Variants in PPP1R36 observed in about 807,000 individuals in gnomAD.
PPP1R36 encodes the protein protein phosphatase 1 regulatory subunit 36.
A neutral mutation model predicts 53.4 loss-of-function variants in PPP1R36; 47 were observed. The ratio of observed to expected loss-of-function variants is 0.88; its 90% CI spans 0.70 to 1.12. The LOEUF (loss-of-function observed/expected upper bound fraction) is 1.12. PPP1R36 is among the 50% of genes most tolerant of loss of function. PPP1R36 has a pLI of 0.00. For missense variants in PPP1R36, 456 were observed against 513.9 expected (o/e 0.89, Z 1.09); for synonymous variants, 153 against 170.5 (o/e 0.90, Z 0.80).
chr14:64,579,790 G>A (rs1028424936), intron 8 of PPP1R36, among the ~76,000 whole-genome samples: 8 of 151,874 alleles, frequency 5.3e-5, no homozygotes, highest in South Asian at 4.1e-4. Context: ...CTAACACGGC[G>A]AAACCCCATC....
chr14:64,559,159 C>T (rs749496437), intron 3 of PPP1R36, among the ~76,000 whole-genome samples: 8 of 152,054 alleles, frequency 5.3e-5, no homozygotes, highest in Non-Finnish European at 8.8e-5. Context: ...AAGAGAGAGC[C>T]GCGGCTTTTC....
At chr14:64,550,260 A>C (rs2080083911) in intron 1 of PPP1R36, 194 bp downstream of exon 1, 2 of 1,381,820 alleles carry the variant, frequency 1.4e-6, no homozygotes, top group Non-Finnish European at 1.9e-6. Flanking sequence ...ACAGATGGTC[A>C]GAATTGAATT....
rs376746042 is a variant in PPP1R36 at position 64,564,850 on chromosome 14, C to G, written c.269+13C>G. 63 of 1,569,694 alleles carry G rather than the reference C, an allele frequency of 4.0e-5. No homozygotes were observed. The highest frequency in any genetic ancestry group is 5.7e-5 in the South Asian group (5 of 87,846). ...CAGCTTCAGACAGGTAGATTAACTTCCCAATCATGCCAGAGTTGCTGATAG... is the reference window on the plus strand; with the variant it reads ...CAGCTTCAGACAGGTAGATTAACTTGCCAATCATGCCAGAGTTGCTGATAG... On this transcript the variant is annotated intron_variant, in intron 4 of 11. Coordinates refer to ENST00000298705, the MANE Select transcript of PPP1R36 (RefSeq NM_172365.3).
chr14:64,577,318 C>T (rs1030131109), intron 8 of PPP1R36, among the ~76,000 whole-genome samples: 3 of 152,218 alleles, frequency 2.0e-5, no homozygotes, highest in Non-Finnish European at 4.4e-5. Flanking sequence ...TGGGGGAACA[C>T]AAACATTCAG....
chr14:64,585,942 C>T (rs1311091993), intron 8 of PPP1R36, among the ~76,000 whole-genome samples: 1 of 151,412 alleles, frequency 6.6e-6, no homozygotes, highest in Non-Finnish European at 1.5e-5. Flanking sequence ...GTATAGTATT[C>T]TTTTTTTTTC....
At chr14:64,561,296 G>A (rs1479628450) in intron 3 of PPP1R36, among the ~76,000 whole-genome samples, 1 of 152,026 alleles carries the variant, frequency 6.6e-6, no homozygotes, top group Non-Finnish European at 1.5e-5. Context: ...TTCTCTCCTG[G>A]TCAAATGAAA....
intron 7 of PPP1R36, among the ~76,000 whole-genome samples, chr14:64,570,477 G>A (rs1005816894): frequency 1.1e-4 from 17 of 151,120 alleles, no homozygotes; most frequent in African/African-American, 2.2e-4. Flanking sequence ...GCGAGACTCC[G>A]CCTTAAAAAA....
intron 3 of PPP1R36, among the ~76,000 whole-genome samples, chr14:64,555,852 C>CTCTG (rs57923299): frequency 0.37 from 55,474 of 151,732 alleles, 10,722 homozygotes; most frequent in African/African-American, 0.49. Context: ...TTTCCCCTCT[C>CTCTG]TCTCTCTACA....
chr14:64,574,437 T>C lies in PPP1R36; in HGVS notation c.534-18T>C. ...TGACAATTAACCCAAATTCTCTTTT[T>C]TTTGTCCTCCCCATCAGAGGCCTTG... is the stretch of plus-strand genomic sequence containing the variant. On this transcript the variant is annotated intron_variant, in intron 7 of 11. Transcript: ENST00000298705. 1 of 1,591,006 alleles carries C rather than the reference T, an allele frequency of 6.3e-7. No individual in the cohort carries two copies. Among genetic ancestry groups the C allele is most frequent in the Middle Eastern group, 1.7e-4 (1 of 5,942 alleles).
At chr14:64,584,896 C>T (rs889462490) in intron 8 of PPP1R36, among the ~76,000 whole-genome samples, 1 of 152,230 alleles carries the variant, frequency 6.6e-6, no homozygotes, top group Non-Finnish European at 1.5e-5. Flanking sequence ...CAGTACCCGG[C>T]ACATAGTCCA....
intron 3 of PPP1R36, among the ~76,000 whole-genome samples, chr14:64,564,005 T>G (rs191923311): frequency 4.7e-4 from 71 of 152,354 alleles, no homozygotes; most frequent in African/African-American, 1.6e-3. Context: ...ATTTTCAATG[T>G]CATAGCAATT....
chr14:64,586,112 G>A (rs1250080710), intron 8 of PPP1R36: 1 of 152,082 alleles, frequency 6.6e-6, no homozygotes, highest in East Asian at 1.9e-4. Context: ...GCTAATTTTT[G>A]TACTTTTAGT....
intron 10 of PPP1R36, among the ~76,000 whole-genome samples, chr14:64,587,889 A>T (rs1480822768): frequency 1.3e-5 from 2 of 151,944 alleles, no homozygotes; most frequent in African/African-American, 4.8e-5. Context: ...GACTGCAGGC[A>T]TGCTGTCTCA....
chr14:64,555,648 G>C (rs1293543210), intron 3 of PPP1R36, among the ~76,000 whole-genome samples: 2 of 152,116 alleles, frequency 1.3e-5, no homozygotes, highest in Non-Finnish European at 2.9e-5. Flanking sequence ...GGAATTTGAG[G>C]CTATATTATG....
At chr14:64,560,286 A>G (rs945747408) in intron 3 of PPP1R36, among the ~76,000 whole-genome samples, 3 of 151,800 alleles carry the variant, frequency 2.0e-5, no homozygotes, top group Non-Finnish European at 4.4e-5. Context: ...ACCAAAAAAT[A>G]CAAAAATTAG....
chr14:64,561,653 T>C, intron 3 of PPP1R36: 1 of 385,566 alleles, frequency 2.6e-6, no homozygotes, highest in Non-Finnish European at 5.2e-6. Flanking sequence ...CTGGTATAGT[T>C]CATCAGCATG....
intron 7 of PPP1R36, among the ~76,000 whole-genome samples, chr14:64,569,776 T>C (rs2080288830): frequency 6.6e-6 from 1 of 151,752 alleles, no homozygotes; most frequent in African/African-American, 2.4e-5. Context: ...TCTGGCTCTG[T>C]CACCCAGGCT....
rs532492204 is a variant in PPP1R36, at chr14:64,552,722, A to C, written c.135-92A>C. The C allele has an allele frequency of 3.8e-5, 37 of 980,804 alleles. No individual in the cohort carries two copies. In the African/African-American group the frequency reaches 6.0e-4, roughly 16 times the overall value. 60.8% of individuals were successfully genotyped at this position (980,804 alleles called of 1,614,324 possible). ...AAAGGCTTAACATTTTATTAGAGTC[A>C]AAATCAAAAGTTTACATTTTATAGA... is the stretch of plus-strand genomic sequence containing the variant. On this transcript the variant is annotated intron_variant, in intron 2 of 11. Coordinates refer to ENST00000298705, the MANE Select transcript of PPP1R36 (RefSeq NM_172365.3).
At chr14:64,551,549 C>G (rs1265842402) in intron 2 of PPP1R36, 1 of 455,194 alleles carries the variant, frequency 2.2e-6, no homozygotes, top group Non-Finnish European at 4.4e-6. Flanking sequence ...ATCTGTTGTG[C>G]ACTGATTGTG....
Sources: gnomAD v4.1 joint callset for allele counts (sites outside exome capture counted in the v4.1 genomes callset) on GRCh38, gnomAD v4.1.1 for gene constraint, MANE v1.5 for transcripts, NCBI Gene and HGNC (gene_info 2026-07-23, HGNC 2026-07-21) for gene names.